Variants in SLC35E4 observed in about 807,000 individuals in gnomAD.
SLC35E4 encodes the protein solute carrier family 35 member E4, also known as solute carrier family 35, member E4.
In SLC35E4, 15 loss-of-function variants were observed where a neutral mutation model predicts 19.3. The observed-to-expected ratio is 0.78, with a 90% confidence interval of 0.52 to 1.20. SLC35E4 has a LOEUF of 1.20. Ranked by LOEUF, SLC35E4 falls within the 50% of genes most tolerant of loss-of-function variation. The pLI is 0.00. For synonymous variants in SLC35E4, 219 were observed against 219.9 expected (o/e 1.00, Z 0.04); for missense variants, 406 against 472.3 (o/e 0.86, Z 1.30).
chr22:30,646,557 T>C, intron 1 of SLC35E4, 41 bp from the exon 2 acceptor site: 1 of 1,563,424 alleles, frequency 6.4e-7, no homozygotes. Context: ...CTGGAGGGGG[T>C]TGTGTCCTTC....
chr22:30,657,565 C>T (rs947713662), intron 2 of SLC35E4, among the ~76,000 whole-genome samples: 3 of 151,700 alleles, frequency 2.0e-5, no homozygotes, highest in African/African-American at 4.8e-5. Flanking sequence ...TTGAGACCAG[C>T]CTGGGAAATA....
chr22:30,639,353 C>T (rs1306068699), intron 1 of SLC35E4, among the ~76,000 whole-genome samples: 1 of 152,058 alleles, frequency 6.6e-6, no homozygotes, highest in Non-Finnish European at 1.5e-5. Flanking sequence ...GGAGGCAGGG[C>T]CAGATCACAG....
chr22:30,642,263 G>C (rs1602074450), intron 1 of SLC35E4, among the ~76,000 whole-genome samples: 1 of 152,038 alleles, frequency 6.6e-6, no homozygotes, highest in Non-Finnish European at 1.5e-5. Flanking sequence ...ACCCACCTCG[G>C]CCTAAAGTGC....
At chr22:30,658,514 G>A (rs1409422951) in intron 2 of SLC35E4, among the ~76,000 whole-genome samples, 1 of 151,846 alleles carries the variant, frequency 6.6e-6, no homozygotes, top group African/African-American at 2.4e-5. Context: ...GGGAATCTCC[G>A]TTGCCTTTTT....
At chr22:30,654,542 G>A (rs970675478) in intron 2 of SLC35E4, 10 of 438,450 alleles carry the variant, frequency 2.3e-5, no homozygotes, top group South Asian at 1.0e-4. Context: ...TTGGTCTCGC[G>A]GGGCAGCATG....
At chr22:30,645,415 C>T (rs1166835408) in intron 1 of SLC35E4, among the ~76,000 whole-genome samples, 5 of 152,000 alleles carry the variant, frequency 3.3e-5, no homozygotes, top group African/African-American at 4.8e-5. Context: ...GCCAACATGG[C>T]GAAACCCCGT....
chr22:30,667,657 C>G (rs1254115721), downstream of SLC35E4: 10 of 152,706 alleles, frequency 6.5e-5, no homozygotes, highest in Admixed American at 6.5e-4. Context: ...GAAATCCTGG[C>G]CTCGGCTCCA....
At chr22:30,656,258 T>G (rs1311328461) in intron 2 of SLC35E4, among the ~76,000 whole-genome samples, 1 of 152,056 alleles carries the variant, frequency 6.6e-6, no homozygotes, top group Non-Finnish European at 1.5e-5. Flanking sequence ...ATTACAGGCA[T>G]GAGCCACTGC....
At chr22:30,642,633 C>T (rs1338797089) in intron 1 of SLC35E4, among the ~76,000 whole-genome samples, 4 of 149,304 alleles carry the variant, frequency 2.7e-5, no homozygotes, top group African/African-American at 7.4e-5. Flanking sequence ...CCCAGCTACT[C>T]GGGAGGCTGA....
chr22:30,666,166 T>A (rs1227494214), downstream of SLC35E4, among the ~76,000 whole-genome samples: 1 of 151,928 alleles, frequency 6.6e-6, no homozygotes, highest in Non-Finnish European at 1.5e-5. Context: ...CATCAGAAAA[T>A]CCATAGAGAA....
chr22:30,666,108 T>C (rs1210686845), downstream of SLC35E4, among the ~76,000 whole-genome samples: 1 of 152,202 alleles, frequency 6.6e-6, no homozygotes, highest in Non-Finnish European at 1.5e-5. Context: ...AAAAGCCTCC[T>C]GAACCCAGAT....
At position 30,636,684 on chromosome 22, in the gene SLC35E4, G is replaced by C. The variant is rs1315848553; in HGVS notation, c.234G>C (p.Arg78=). 1 of 1,611,778 alleles carries C rather than the reference G, an allele frequency of 6.2e-7. No individual in the cohort carries two copies. The highest frequency in any genetic ancestry group is 1.7e-5 in the Admixed American group (1 of 59,948). The change falls in exon 1 of 2, where the codon CGG becomes CGC. Residue 78 remains arginine, a synonymous_variant. Coordinates refer to ENST00000343605, the MANE Select transcript of SLC35E4 (RefSeq NM_001001479.4). ...TCTTCACAGTGCACGGCTTTGGGCG[G>C]CCCCTGCTGCTGTCGGCCCTGCACA... ...KWIFTVHGFG[R]PLLLSALHML...
chr22:30,643,772 T>C (rs529665033), intron 1 of SLC35E4, among the ~76,000 whole-genome samples: 8 of 152,076 alleles, frequency 5.3e-5, no homozygotes, highest in African/African-American at 1.9e-4. Flanking sequence ...GCCAAGCCAA[T>C]AGCAAGCAGA....
chr22:30,651,966 C>T (rs2088230318), downstream of SLC35E4: 1 of 152,122 alleles, frequency 6.6e-6, no homozygotes, highest in African/African-American at 2.4e-5. Context: ...CCAGTGGGTT[C>T]ACTTTGCCCA....
intron 1 of SLC35E4, among the ~76,000 whole-genome samples, chr22:30,642,857 G>A (rs554994907): frequency 2.5e-4 from 38 of 151,452 alleles, no homozygotes; most frequent in African/African-American, 8.0e-4. Flanking sequence ...GTGAAACCCC[G>A]TCTCTACTAA....
At chr22:30,648,417 C>G (rs538930074), downstream of SLC35E4, among the ~76,000 whole-genome samples, 1 of 152,152 alleles carries the variant, frequency 6.6e-6, no homozygotes, top group African/African-American at 2.4e-5. Flanking sequence ...GCTTAAACCC[C>G]TGCCTGGAGG....
intron 1 of SLC35E4, among the ~76,000 whole-genome samples, chr22:30,643,828 T>C (rs2088084909): frequency 6.6e-6 from 1 of 152,124 alleles, no homozygotes; most frequent in Non-Finnish European, 1.5e-5. Context: ...TGGCAGAAAC[T>C]TGGGCATGTT....
At chr22:30,663,734 G>C, downstream of SLC35E4, 1 of 1,614,054 alleles carries the variant, frequency 6.2e-7, no homozygotes, top group Non-Finnish European at 8.5e-7. Context: ...CCACGCTGTG[G>C]ATATGGTCAG....
chr22:30,651,750 G>A (rs57550767), downstream of SLC35E4, among the ~76,000 whole-genome samples: 2,796 of 152,046 alleles, frequency 0.018, 87 homozygotes, highest in African/African-American at 0.064. Context: ...GGTATCGGTT[G>A]TATTGATTTA....
Sources: allele counts gnomAD v4.1 joint callset (sites outside exome capture counted in the v4.1 genomes callset), GRCh38; gene constraint gnomAD v4.1.1; transcripts MANE v1.5; gene names NCBI Gene and HGNC (gene_info 2026-07-23, HGNC 2026-07-21).